The following GSTZ1 variants were observed in gnomAD, a reference collection of about 807,000 sequenced individuals.
The protein encoded by GSTZ1 is maleylacetoacetate isomerase.
Under a neutral mutation model 35.9 loss-of-function variants are expected in GSTZ1, and 34 were observed. The ratio of observed to expected loss-of-function variants is 0.95; its 90% CI spans 0.72 to 1.26. GSTZ1 has a LOEUF of 1.26. GSTZ1 is among the 50% of genes most tolerant of loss of function. The probability of loss-of-function intolerance (pLI) is 0.00; values close to 1 mark genes in which losing one functional copy is unlikely to be tolerated. For synonymous variants in GSTZ1, 93 were observed against 101.2 expected (o/e 0.92, Z 0.49); for missense variants, 263 against 271.7 (o/e 0.97, Z 0.23).
chr14:77,324,533 G>T (rs1406705115), intron 1 of GSTZ1: 1 of 1,427,924 alleles, frequency 7.0e-7, no homozygotes, highest in Non-Finnish European at 9.5e-7. Flanking sequence ...CACCCCTTTA[G>T]GTTTCCTTTC....
chr14:77,329,162 C>G lies in GSTZ1; in HGVS notation c.382C>G (p.Leu128Val), dbSNP rs762940952. 1 of 1,613,110 alleles carries G rather than the reference C, an allele frequency of 6.2e-7. No homozygotes were observed. Among genetic ancestry groups the G allele is most frequent in the Non-Finnish European group, 8.5e-7 (1 of 1,179,102 alleles). The change falls in exon 6 of 9, where the codon CTG becomes GTG. Residue 128 changes from leucine to valine, a missense_variant. Leu to Val is a conservative substitution (Grantham distance 32). Coordinates refer to ENST00000216465, the MANE Select transcript of GSTZ1 (RefSeq NM_145870.3). Reference protein sequence around the residue: ...VLKQVGEEMQLTWAQNAITCG... With the variant: ...VLKQVGEEMQVTWAQNAITCG... ...GAAGCAAGTGGGAGAGGAGATGCAG[C>G]TGACCTGGGCCCAGAACGCCATCAC...
intron 1 of GSTZ1, chr14:77,324,623 G>A: frequency 6.5e-7 from 1 of 1,530,650 alleles, no homozygotes; most frequent in Admixed American, 2.0e-5. Context: ...GTCTGGCAAG[G>A]TATGGAAGGC....
rs1892332231 is a variant in GSTZ1, at chr14:77,326,727, G to A, written c.68-111G>A. 5 of 736,964 alleles carry A rather than the reference G, an allele frequency of 6.8e-6. No individual in the cohort carries two copies. The African/African-American group carries it at 7.0e-5, about 10-fold the overall frequency. 45.7% of individuals were successfully genotyped at this position (736,964 alleles called of 1,614,324 possible). On this transcript the variant is annotated intron_variant, in intron 2 of 8. Coordinates refer to ENST00000216465, the MANE Select transcript of GSTZ1 (RefSeq NM_145870.3). ...CGGTGAGCCTTGACCACCCAGAAGT[G>A]TTAGAGAAGCCTCCCCCTCTTTGGC...
At chr14:77,327,649 A>G in intron 4 of GSTZ1, 97 bp downstream of exon 4, 4 of 858,462 alleles carry the variant, frequency 4.7e-6, no homozygotes, top group South Asian at 1.4e-5. Context: ...CAAGGTGCCT[A>G]GCACATAGGA....
At chr14:77,330,099 T>C in intron 7 of GSTZ1, 1 of 698,892 alleles carries the variant, frequency 1.4e-6, no homozygotes, top group East Asian at 2.7e-5. Flanking sequence ...GAGTTGGTTG[T>C]CAGGGCAACT....
In GSTZ1 at chr14:77,324,426, G is replaced by A. The variant is rs148707603; in HGVS notation, c.16-444G>A. The A allele has an allele frequency of 5.8e-5, 38 of 653,054 alleles. No individual in the cohort carries two copies. The Middle Eastern group carries it at 8.1e-4, about 14-fold the overall frequency. The allele number at this position is 653,054 out of a possible 1,614,324, so 40.5% of individuals were successfully genotyped here. ...CTCCCGAAGTGCTGGGATTACAGGC[G>A]TGAGCCACTGTGCCTGGCCAGAAAT... On this transcript the variant is annotated intron_variant, in intron 1 of 8. Coordinates refer to ENST00000216465, the MANE Select transcript of GSTZ1 (RefSeq NM_145870.3).
chr14:77,327,951 C>G lies in GSTZ1; in HGVS notation c.256C>G (p.Pro86Ala). 6.2e-7 allele frequency: 1 copy of G among 1,613,850 alleles called. No individual in the cohort carries two copies. The highest frequency in any genetic ancestry group is 8.5e-7 in the Non-Finnish European group (1 of 1,179,762). ...IEYLEEMRPT[P>A]RLLPQDPKKR... ...GTATCTAGAGGAGATGCGTCCCACTCCGCGACTTCTGCCTCAGGACCCAAA... is the reference window on the plus strand; with the variant it reads ...GTATCTAGAGGAGATGCGTCCCACTGCGCGACTTCTGCCTCAGGACCCAAA... The change falls in exon 5 of 9, where the codon CCG becomes GCG. Residue 86 changes from proline to alanine, a missense_variant. Pro to Ala is a conservative substitution (Grantham distance 27). Transcript: ENST00000216465.
intron 6 of GSTZ1, 104 bp downstream of exon 6, chr14:77,329,305 G>C (rs947890665): frequency 1.2e-6 from 1 of 817,312 alleles, no homozygotes; most frequent in African/African-American, 1.7e-5. Context: ...GCTGCTTTGG[G>C]CCTGACAGTT....
At position 77,331,241 on chromosome 14, in the gene GSTZ1, T is replaced by C. The variant is rs1192630880; in HGVS notation, c.*46T>C. The C allele has an allele frequency of 6.3e-7, 1 of 1,582,826 alleles. No homozygotes were observed. Among genetic ancestry groups the C allele is most frequent in the East Asian group, 2.3e-5 (1 of 44,322 alleles). ...GGCACAGGGCCACAGGAGCAGAAGC[T>C]GGGTGGGCTGAAGAGGCCTGGAAAC... On this transcript the variant is annotated 3_prime_UTR_variant, in exon 9 of 9. Transcript: ENST00000216465.
At chr14:77,329,505 G>A (rs996323414) in intron 6 of GSTZ1, 3 of 595,670 alleles carry the variant, frequency 5.0e-6, no homozygotes, top group Non-Finnish European at 3.0e-6. Flanking sequence ...AGTGAGAGCT[G>A]TCACCGTGGC....
chr14:77,325,602 A>C (rs745640037), intron 2 of GSTZ1: 1 of 152,410 alleles, frequency 6.6e-6, no homozygotes. Flanking sequence ...TAAGAGGCAG[A>C]ACTGGAATTT....
intron 1 of GSTZ1, chr14:77,322,522 CT>C: frequency 2.3e-6 from 2 of 887,820 alleles, no homozygotes; most frequent in Non-Finnish European, 2.7e-6. Flanking sequence ...GGATTCTAAG[CT>C]AATTAATGTC....
At position 77,329,827 on chromosome 14, in the gene GSTZ1, C is replaced by T. The variant is rs1365883801; in HGVS notation, c.474+20C>T. 15 of 1,598,700 alleles carry T rather than the reference C, an allele frequency of 9.4e-6. No homozygotes were observed. The highest frequency in any genetic ancestry group is 1.0e-5 in the Non-Finnish European group (12 of 1,166,090). ...GACGAGGTAAGCTGTCCCCAGACCTCCCCAGGCCCAGCCACAGTGGCTGCC... is the reference window on the plus strand; with the variant it reads ...GACGAGGTAAGCTGTCCCCAGACCTTCCCAGGCCCAGCCACAGTGGCTGCC... On this transcript the variant is annotated intron_variant, in intron 7 of 8. Coordinates refer to ENST00000216465, the MANE Select transcript of GSTZ1 (RefSeq NM_145870.3).
intron 2 of GSTZ1, 172 bp from the exon 3 acceptor site, chr14:77,326,666 G>T (rs1892329353): frequency 1.7e-6 from 1 of 585,176 alleles, no homozygotes. Context: ...GGGAGCACGT[G>T]GTGACAAGGA....
chr14:77,327,471 G>C lies in GSTZ1; in HGVS notation c.136-1G>C, dbSNP rs1374651275. 9 of 1,601,848 alleles carry C rather than the reference G, an allele frequency of 5.6e-6. No homozygotes were observed. Among genetic ancestry groups the C allele is most frequent in the Non-Finnish European group, 7.7e-6 (9 of 1,172,544 alleles). ...AGCCCACCAGGGCCTTGTCTCCACA[G>C]TTTTCTAAGGACTTCCAGGCACTGA... On this transcript the variant is annotated splice_acceptor_variant, in intron 3 of 8. Transcript: ENST00000216465. LOFTEE classifies it high-confidence loss of function.
In GSTZ1 at chr14:77,324,857, T is replaced by C. The variant is rs748949166; in HGVS notation, c.16-13T>C. The C allele has an allele frequency of 6.2e-6, 10 of 1,613,276 alleles. No homozygotes were observed. Among genetic ancestry groups the C allele is most frequent in the Non-Finnish European group, 8.5e-6 (10 of 1,179,304 alleles). ...CATGGGTTAACACGCGCCTTCATCC[T>C]CTCTCTCCTCAGCCCATCCTCTATT... On this transcript the variant is annotated splice_polypyrimidine_tract_variant and intron_variant, in intron 1 of 8. Coordinates refer to ENST00000216465, the MANE Select transcript of GSTZ1 (RefSeq NM_145870.3).
Position 77,329,953 on chromosome 14 carries a change from C to G in GSTZ1, c.474+146C>G, listed in dbSNP as rs535923273. 1.6e-4 allele frequency: 112 copies of G among 690,056 alleles called. 1 individual carries two copies. In the African/African-American group the frequency reaches 1.8e-3, roughly 11 times the overall value. 42.7% of individuals were successfully genotyped at this position (690,056 alleles called of 1,614,324 possible). On this transcript the variant is annotated intron_variant, in intron 7 of 8. Transcript: ENST00000216465. ...ACTCCTCAGCTCACTCCCACTAAAC[C>G]GTCTTAAGAGGGAGTTACTCAAGGT...
At position 77,331,152 on chromosome 14, in the gene GSTZ1, A is replaced by T. The variant is rs747558699; in HGVS notation, c.608A>T (p.His203Leu). ...GTCTTGGAGGCCTTCCAGGTGTCTCACCCCTGCCGGCAGCCAGATACACCC... is the reference window on the plus strand; with the variant it reads ...GTCTTGGAGGCCTTCCAGGTGTCTCTCCCCTGCCGGCAGCCAGATACACCC... ...LLVLEAFQVS[H>L]PCRQPDTPTE... Residue 203 changes from histidine to leucine, a missense_variant, in exon 9 of 9, where the codon CAC becomes CTC. Physicochemically the swap from His to Leu is moderately conservative, Grantham distance 99 (BLOSUM62 -3). Coordinates refer to ENST00000216465, the MANE Select transcript of GSTZ1 (RefSeq NM_145870.3). 1 of 1,613,824 alleles carries T rather than the reference A, an allele frequency of 6.2e-7. No individual in the cohort carries two copies. Among genetic ancestry groups the T allele is most frequent in the Admixed American group, 1.7e-5 (1 of 60,010 alleles).
At position 77,330,233 on chromosome 14, in the gene GSTZ1, T is replaced by A. The variant is rs559225392; in HGVS notation, c.475-77T>A. The stretch of plus-strand genomic sequence containing the variant: ...CAGATTGTTGGTACCCCCAGTAGAG[T>A]CGCAGTGGACACACCCAGTCCAGCC... On this transcript the variant is annotated intron_variant, in intron 7 of 8. Transcript: ENST00000216465. The A allele has an allele frequency of 1.2e-5, 12 of 971,084 alleles. No individual in the cohort carries two copies. The African/African-American group carries it at 1.6e-4, about 13-fold the overall frequency. 60.2% of individuals were successfully genotyped at this position (971,084 alleles called of 1,614,324 possible). A position where few individuals can be genotyped will look rare whatever the true frequency, so the allele number is the denominator to read the frequency against.
Sources: allele counts gnomAD v4.1 joint callset, GRCh38; gene constraint gnomAD v4.1.1; transcripts MANE v1.5; gene names NCBI Gene and HGNC (gene_info 2026-07-23, HGNC 2026-07-21).